The following RXFP1 variants were observed in gnomAD, a reference collection of about 807,000 sequenced individuals.
RXFP1 encodes the protein relaxin family peptide receptor 1.
RXFP1 carries 73 observed loss-of-function variants against 89.8 expected under a neutral mutation model. The ratio of observed to expected loss-of-function variants is 0.81; its 90% CI spans 0.67 to 0.99. The LOEUF (loss-of-function observed/expected upper bound fraction) is 0.99, where lower values mean the gene tolerates loss of function less well. Ranked by LOEUF, RXFP1 falls within the 50% of genes least tolerant of loss-of-function variation. The pLI is 0.00. For missense variants in RXFP1, 793 were observed against 895.5 expected (o/e 0.89, Z 1.46); for synonymous variants, 277 against 305.5 (o/e 0.91, Z 0.97).
chr4:158,648,352 T>C (rs967441567), intron 16 of RXFP1, 147 bp from the exon 17 acceptor site: 2 of 505,968 alleles, frequency 4.0e-6, no homozygotes, highest in African/African-American at 2.0e-5. Flanking sequence ...AGTAATTCTT[T>C]GTGAAGAAAA....
chr4:158,647,323 A>G, intron 16 of RXFP1, 122 bp downstream of exon 16: 1 of 741,802 alleles, frequency 1.3e-6, no homozygotes. Flanking sequence ...TCCCCAAATT[A>G]TACTCTGATA....
chr4:158,616,636 CAAG>C (rs1764629587), intron 8 of RXFP1, among the ~76,000 whole-genome samples: 1 of 144,928 alleles, frequency 6.9e-6, no homozygotes, highest in Non-Finnish European at 1.5e-5. Flanking sequence ...TTATTACTAT[CAAG>C]TATTTACATA....
At chr4:158,527,175 A>AT (rs933947064) in intron 1 of RXFP1, among the ~76,000 whole-genome samples, 4 of 152,100 alleles carry the variant, frequency 2.6e-5, no homozygotes, top group African/African-American at 7.2e-5. Context: ...ATTTTAAATA[A>AT]TTTTTTTGTT....
intron 1 of RXFP1, among the ~76,000 whole-genome samples, chr4:158,542,105 A>T (rs376296270): frequency 0.22 from 5,437 of 25,028 alleles, 816 homozygotes; most frequent in Non-Finnish European, 0.38. Context: ...ATATATATAT[A>T]TATATTTTTT....
intron 1 of RXFP1, among the ~76,000 whole-genome samples, chr4:158,558,918 T>C (rs1751883485): frequency 6.6e-6 from 1 of 152,160 alleles, no homozygotes; most frequent in Admixed American, 6.5e-5. Flanking sequence ...AACACAAAAA[T>C]TTTAAGTGAC....
At chr4:158,561,626 C>CT (rs70962615) in intron 1 of RXFP1, among the ~76,000 whole-genome samples, 22,254 of 112,610 alleles carry the variant, frequency 0.2, 3,229 homozygotes, top group African/African-American at 0.37. Context: ...TTCTTTTTTT[C>CT]TTTTTTTTTT....
chr4:158,625,570 C>A (rs906684374), intron 9 of RXFP1, among the ~76,000 whole-genome samples: 1 of 151,932 alleles, frequency 6.6e-6, no homozygotes, highest in Non-Finnish European at 1.5e-5. Context: ...TAAATAACAC[C>A]CCATATTCTT....
At chr4:158,646,650 T>G in intron 15 of RXFP1, 141 bp from the exon 16 acceptor site, 1 of 1,437,212 alleles carries the variant, frequency 7.0e-7, no homozygotes, top group Non-Finnish European at 9.1e-7. Flanking sequence ...TGTAAATGAA[T>G]TATTAGGAGA....
intron 2 of RXFP1, 148 bp downstream of exon 2, chr4:158,572,983 G>T: frequency 8.6e-7 from 1 of 1,161,940 alleles, no homozygotes. Context: ...TATTTCAGTA[G>T]CTTAAAATAT....
At chr4:158,627,747 G>T (rs80123166) in intron 10 of RXFP1, among the ~76,000 whole-genome samples, 2 of 152,192 alleles carry the variant, frequency 1.3e-5, no homozygotes, top group East Asian at 3.9e-4. Context: ...CCTGAGTTCA[G>T]CAATCTTCAG....
intron 9 of RXFP1, among the ~76,000 whole-genome samples, chr4:158,625,393 C>A (rs1766508069): frequency 6.6e-6 from 1 of 151,622 alleles, no homozygotes; most frequent in African/African-American, 2.4e-5. Context: ...AACAACTTCT[C>A]TGGATATCAT....
chr4:158,558,969 C>T (rs1445500591), intron 1 of RXFP1, among the ~76,000 whole-genome samples: 1 of 152,198 alleles, frequency 6.6e-6, no homozygotes, highest in African/African-American at 2.4e-5. Context: ...TGAAATCTCA[C>T]TCTTCATTTA....
At chr4:158,568,077 C>T (rs1484663992) in intron 1 of RXFP1, among the ~76,000 whole-genome samples, 1 of 152,124 alleles carries the variant, frequency 6.6e-6, no homozygotes, top group Non-Finnish European at 1.5e-5. Flanking sequence ...AACACACTGC[C>T]TTTATGAGCT....
intron 3 of RXFP1, among the ~76,000 whole-genome samples, chr4:158,596,706 G>A (rs867209532): frequency 7.9e-5 from 12 of 152,270 alleles, no homozygotes; most frequent in African/African-American, 2.9e-4. Context: ...AGTGGAAAGC[G>A]AATGACAAAG....
chr4:158,537,936 C>T (rs989206312), intron 1 of RXFP1, among the ~76,000 whole-genome samples: 1 of 152,112 alleles, frequency 6.6e-6, no homozygotes, highest in Non-Finnish European at 1.5e-5. Context: ...TATGCTGAGG[C>T]TTGAAGAATG....
At chr4:158,569,197 G>A (rs1335917358) in intron 1 of RXFP1, among the ~76,000 whole-genome samples, 3 of 152,218 alleles carry the variant, frequency 2.0e-5, no homozygotes, top group African/African-American at 7.2e-5. Context: ...ATTAGTAAGT[G>A]TGAGAAGCCA....
intron 1 of RXFP1, among the ~76,000 whole-genome samples, chr4:158,568,038 G>A (rs533381227): frequency 2.6e-5 from 4 of 152,218 alleles, no homozygotes; most frequent in East Asian, 3.9e-4. Context: ...TCAAGACCAC[G>A]AACCCACTGG....
chr4:158,641,708 G>A (rs903040328), intron 14 of RXFP1, among the ~76,000 whole-genome samples: 18 of 152,242 alleles, frequency 1.2e-4, no homozygotes, highest in South Asian at 6.2e-4. Context: ...ACTAAAGATC[G>A]TTTATATTTT....
intron 1 of RXFP1, among the ~76,000 whole-genome samples, chr4:158,546,488 T>C (rs1748451436): frequency 6.6e-6 from 1 of 152,216 alleles, no homozygotes; most frequent in African/African-American, 2.4e-5. Context: ...CAACACTATG[T>C]TGAATAGGAA....
Sources: allele counts gnomAD v4.1 joint callset (sites outside exome capture counted in the v4.1 genomes callset), GRCh38; gene constraint gnomAD v4.1.1; transcripts MANE v1.5; gene names NCBI Gene and HGNC (gene_info 2026-07-23, HGNC 2026-07-21).